FAR1: variants seen among roughly 807,000 people sequenced by gnomAD.
The protein encoded by FAR1 is fatty acyl-CoA reductase 1, also known as male sterility domain-containing protein 2.
In FAR1, 22 loss-of-function variants were observed where a neutral mutation model predicts 61.1. The observed-to-expected ratio is 0.36, with a 90% CI of 0.26 to 0.51. The LOEUF (loss-of-function observed/expected upper bound fraction) is 0.51, where lower values mean the gene tolerates loss of function less well. Ranked by LOEUF, FAR1 falls within the 20% of genes least tolerant of loss-of-function variation. FAR1 has a pLI of 0.95. For missense variants in FAR1, 359 were observed against 626.9 expected, an observed-to-expected ratio of 0.57 and a Z score of 4.56; for synonymous variants, 206 against 209.7, an observed-to-expected ratio of 0.98 and a Z score of 0.15.
chr11:13,703,151 C>T (rs1355175526), intron 3 of FAR1, among the ~76,000 whole-genome samples: 2 of 151,982 alleles, frequency 1.3e-5, no homozygotes, highest in African/African-American at 2.4e-5. Context: ...ATAACAACTT[C>T]GTATGAAAGA....
At chr11:13,711,742 C>CT in intron 5 of FAR1, 22 bp from the exon 6 acceptor site, 1 of 1,561,164 alleles carries the variant, frequency 6.4e-7, no homozygotes, top group South Asian at 1.2e-5. Flanking sequence ...GCTTCTCTCC[C>CT]TTTTAAAATT....
At chr11:13,701,181 A>G (rs1343514299) in intron 3 of FAR1, among the ~76,000 whole-genome samples, 1 of 152,088 alleles carries the variant, frequency 6.6e-6, no homozygotes, top group Admixed American at 6.5e-5. Flanking sequence ...GTCTCATGCC[A>G]ATTAAAATGG....
chr11:13,668,708 T>G lies in FAR1; in HGVS notation c.-106T>G, dbSNP rs1847954309. 1 of 154,044 alleles carries G rather than the reference T, an allele frequency of 6.5e-6. No homozygotes were observed. The highest frequency in any genetic ancestry group is 1.4e-5 in the Non-Finnish European group (1 of 69,178). 9.5% of individuals were successfully genotyped at this position (154,044 alleles called of 1,614,324 possible). A position where few individuals can be genotyped will look rare whatever the true frequency, so the allele number is the denominator to read the frequency against. ...CTCTTCAGCAGCCGGTCGCGGGCGG[T>G]GGAAAAGCGAGTGAAGAGAGCGCGA... On this transcript the variant is annotated 5_prime_UTR_variant, in exon 1 of 12. Transcript: ENST00000354817.
At chr11:13,695,050 T>A in intron 2 of FAR1, 96 bp downstream of exon 2, 2 of 1,036,674 alleles carry the variant, frequency 1.9e-6, no homozygotes, top group Non-Finnish European at 2.6e-6. Context: ...ATTTCTTCAG[T>A]ATTCTGAAAA....
In FAR1 at chr11:13,674,810, T is replaced by C. The variant is rs78909307; in HGVS notation, c.-8+6004T>C. On this transcript the variant is annotated intron_variant, in intron 1 of 11. Transcript: ENST00000354817. ...GTAGTTCTACCTAAAGAATGAAACG[T>C]GTTTAGTAAAGTTCAATTGGTCTGT... is the stretch of plus-strand genomic sequence containing the variant. Among the ~76,000 whole-genome samples, 3 of 152,348 alleles carry C rather than the reference T, an allele frequency of 2.0e-5. No individual in the cohort carries two copies. In the East Asian group the frequency reaches 5.8e-4, roughly 29 times the overall value.
chr11:13,720,804 C>A (rs986145199), intron 9 of FAR1: 1 of 152,012 alleles, frequency 6.6e-6, no homozygotes, highest in African/African-American at 2.4e-5. Context: ...TCCAAAAATT[C>A]TTTTTCTGTT....
intron 1 of FAR1, among the ~76,000 whole-genome samples, chr11:13,683,474 G>C (rs540223767): frequency 6.6e-6 from 1 of 151,706 alleles, no homozygotes; most frequent in Non-Finnish European, 1.5e-5. Flanking sequence ...AAAAAACATA[G>C]ATGAAATACT....
At chr11:13,685,332 T>G (rs2134173150) in intron 1 of FAR1, among the ~76,000 whole-genome samples, 1 of 152,294 alleles carries the variant, frequency 6.6e-6, no homozygotes, top group Non-Finnish European at 1.5e-5. Flanking sequence ...TATTTATTAT[T>G]GAACCCAGCC....
chr11:13,682,093 A>G (rs1848133652), intron 1 of FAR1, among the ~76,000 whole-genome samples: 1 of 152,204 alleles, frequency 6.6e-6, no homozygotes, highest in Non-Finnish European at 1.5e-5. Flanking sequence ...ATCTTGAAAA[A>G]GGCTATAGGT....
At chr11:13,720,783 A>T (rs995250750) in intron 9 of FAR1, 2 of 152,090 alleles carry the variant, frequency 1.3e-5, no homozygotes, top group South Asian at 4.2e-4. Flanking sequence ...GAAATCTTTA[A>T]AAAGTACTTC....
intron 10 of FAR1, among the ~76,000 whole-genome samples, chr11:13,723,067 C>G (rs1463773218): frequency 1.3e-5 from 2 of 151,884 alleles, no homozygotes; most frequent in African/African-American, 4.8e-5. Flanking sequence ...ATGATTTCAG[C>G]ACGTTAAAGA....
intron 10 of FAR1, among the ~76,000 whole-genome samples, chr11:13,724,769 T>C (rs1848652335): frequency 1.3e-5 from 2 of 152,214 alleles, no homozygotes; most frequent in South Asian, 4.1e-4. Context: ...ATACTGAGCC[T>C]TCAAAACCCA....
At chr11:13,715,707 C>T (rs1848548038) in intron 9 of FAR1, 1 of 152,082 alleles carries the variant, frequency 6.6e-6, no homozygotes, top group Admixed American at 6.6e-5. Context: ...TGAAATCCCG[C>T]AAACTTAAAG....
At chr11:13,700,185 T>C (rs1211160212) in intron 2 of FAR1, 132 bp from the exon 3 acceptor site, 4 of 637,028 alleles carry the variant, frequency 6.3e-6, no homozygotes, top group Non-Finnish European at 1.0e-5. Context: ...CAATTAAGAA[T>C]AGCAACTTTA....
intron 9 of FAR1, among the ~76,000 whole-genome samples, chr11:13,719,148 G>A (rs1305611940): frequency 2.6e-5 from 4 of 152,174 alleles, no homozygotes; most frequent in South Asian, 2.1e-4. Context: ...AGGTGGGCAT[G>A]TAGGATGGAG....
chr11:13,697,791 A>G (rs1176044038), intron 2 of FAR1, among the ~76,000 whole-genome samples: 1 of 152,172 alleles, frequency 6.6e-6, no homozygotes, highest in Non-Finnish European at 1.5e-5. Flanking sequence ...TTTTTTAGTC[A>G]TTCCTTAGGT....
chr11:13,669,917 A>T lies in FAR1; in HGVS notation c.-8+1111A>T, dbSNP rs1169641101. ...AAAGTGTTGGTTTAAAGACAACATC[A>T]GAAGATACTCTCAGAAAATCTGCCC... On this transcript the variant is annotated intron_variant, in intron 1 of 11. Transcript: ENST00000354817. Among the ~76,000 whole-genome samples, 3 of 152,206 alleles carry T rather than the reference A, an allele frequency of 2.0e-5. No homozygotes were observed. In the East Asian group the frequency reaches 5.8e-4, roughly 29 times the overall value.
rs1373616898 is a variant in FAR1 at position 13,714,548 on chromosome 11, A to T, written c.995A>T (p.Glu332Val). ...VISTFKRNPLEQAFRRPNVNL... is the reference protein window; with the variant it reads ...VISTFKRNPLVQAFRRPNVNL... ...TCCACTTTCAAGAGGAATCCTCTCG[A>T]ACAGGCCTTCAGACGGCCCAATGTA... The change falls in exon 9 of 12, where the codon GAA (glutamate) becomes GTA (valine). Residue 332 changes from glutamate (E) to valine (V), a missense_variant. Physicochemically the swap from Glu to Val is moderately radical, Grantham distance 121 (BLOSUM62 -2). Around this residue, in one of 2 missense-constraint regions of FAR1, gnomAD observed 344 missense variants for 570.3 expected, o/e 0.60. Transcript: ENST00000354817. The T allele has an allele frequency of 6.2e-7, 1 of 1,612,778 alleles. No homozygotes were observed. The highest frequency in any genetic ancestry group is 8.5e-7 in the Non-Finnish European group (1 of 1,179,520).
chr11:13,680,320 T>C (rs1848114227), intron 1 of FAR1, among the ~76,000 whole-genome samples: 2 of 152,292 alleles, frequency 1.3e-5, no homozygotes, highest in Admixed American at 1.3e-4. Context: ...CTCAAACTCT[T>C]CGCCTCATGC....
Sources: gnomAD v4.1 joint callset for allele counts (sites outside exome capture counted in the v4.1 genomes callset) on GRCh38, gnomAD v4.1.1 for gene constraint, gnomAD v4.1.1 regional missense constraint, MANE v1.5 for transcripts, NCBI Gene and HGNC (gene_info 2026-07-23, HGNC 2026-07-21) for gene names.